Variants in MSRA observed in about 807,000 individuals in gnomAD.
The protein encoded by MSRA is mitochondrial peptide methionine sulfoxide reductase.
Under a neutral mutation model 31.3 loss-of-function variants are expected in MSRA, and 54 were observed. The observed-to-expected ratio is 1.73, with a 90% CI of 1.39 to 2.17. The LOEUF (loss-of-function observed/expected upper bound fraction) is 2.17, where lower values mean the gene tolerates loss of function less well. Among genes scored for constraint, MSRA ranks in the 30% most tolerant of loss-of-function variants. The pLI, the probability that MSRA is intolerant of heterozygous loss-of-function variation, is 0.00. For synonymous variants in MSRA, 169 were observed against 116.5 expected, an observed-to-expected ratio of 1.45 and a Z score of -2.90; for missense variants, 507 against 300.9, an observed-to-expected ratio of 1.69 and a Z score of -5.07.
At chr8:10,414,121 C>T (rs1164202580) in intron 5 of MSRA, among the ~76,000 whole-genome samples, 5 of 151,974 alleles carry the variant, frequency 3.3e-5, no homozygotes, top group African/African-American at 1.2e-4. Context: ...GAGCCGTGAT[C>T]GTGCCACTGC....
chr8:10,199,568 A>G (rs916926562), intron 1 of MSRA, among the ~76,000 whole-genome samples: 1 of 150,600 alleles, frequency 6.6e-6, no homozygotes, highest in Non-Finnish European at 1.5e-5. Context: ...TCTGCCCGCC[A>G]GTTTTTTTTT....
At chr8:10,375,062 G>C (rs970420289) in intron 5 of MSRA, among the ~76,000 whole-genome samples, 1 of 152,328 alleles carries the variant, frequency 6.6e-6, no homozygotes, top group East Asian at 1.9e-4. Context: ...TGCTATGCTT[G>C]TGCAGCCTGC....
chr8:10,425,449 A>G (rs932545255), intron 5 of MSRA, among the ~76,000 whole-genome samples: 5 of 152,158 alleles, frequency 3.3e-5, no homozygotes, highest in African/African-American at 1.2e-4. Flanking sequence ...AGGGAGGAGG[A>G]GGAGGGGAGG....
intron 1 of MSRA, among the ~76,000 whole-genome samples, chr8:10,084,629 GT>G (rs1281557327): frequency 6.6e-6 from 1 of 152,188 alleles, no homozygotes; most frequent in Non-Finnish European, 1.5e-5. Context: ...CTGTGCCTTA[GT>G]TTCCTAGGGT....
intron 1 of MSRA, among the ~76,000 whole-genome samples, chr8:10,207,396 C>T (rs1170271499): frequency 6.6e-6 from 1 of 152,188 alleles, no homozygotes; most frequent in East Asian, 1.9e-4. Flanking sequence ...GGAACCTTGC[C>T]CTTTTTACTT....
At chr8:10,367,098 G>A (rs953772144) in intron 5 of MSRA, among the ~76,000 whole-genome samples, 2 of 152,160 alleles carry the variant, frequency 1.3e-5, no homozygotes, top group African/African-American at 2.4e-5. Flanking sequence ...TGAGCAGCTT[G>A]ATGAAATCAC....
At chr8:10,405,298 C>A (rs1807734699) in intron 5 of MSRA, among the ~76,000 whole-genome samples, 1 of 152,086 alleles carries the variant, frequency 6.6e-6, no homozygotes, top group Non-Finnish European at 1.5e-5. Flanking sequence ...GCTCGGCCAC[C>A]CATCGCCCTG....
chr8:10,094,285 G>A (rs570136076), intron 1 of MSRA, among the ~76,000 whole-genome samples: 51 of 152,222 alleles, frequency 3.4e-4, no homozygotes, highest in South Asian at 6.2e-4. Context: ...TATGTGATCC[G>A]TTCCCATAAC....
chr8:10,187,681 C>T (rs1394918661), intron 1 of MSRA, among the ~76,000 whole-genome samples: 3 of 152,146 alleles, frequency 2.0e-5, no homozygotes, highest in Non-Finnish European at 4.4e-5. Flanking sequence ...TAAGCGTTAC[C>T]GGCAGGCAAT....
chr8:10,207,929 CAAA>C (rs1809143754), intron 2 of MSRA, 28 bp downstream of exon 2: 2 of 1,585,460 alleles, frequency 1.3e-6, no homozygotes, highest in African/African-American at 2.7e-5. Context: ...AAAGAAAACC[CAAA>C]TTGTGTGCAA....
intron 5 of MSRA, among the ~76,000 whole-genome samples, chr8:10,331,664 C>T (rs1004221399): frequency 1.3e-5 from 2 of 152,162 alleles, no homozygotes; most frequent in Admixed American, 6.5e-5. Flanking sequence ...AGTCATCCTT[C>T]GGTATCCAAT....
In MSRA at chr8:10,295,039, T is replaced by G. The variant is rs527723268; in HGVS notation, c.332-6495T>G. Among the ~76,000 whole-genome samples the G allele has an allele frequency of 5.3e-5, 8 of 152,252 alleles. No individual in the cohort carries two copies. The South Asian group carries it at 8.3e-4, about 16-fold the overall frequency. On this transcript the variant is annotated intron_variant, in intron 3 of 5. Coordinates refer to ENST00000317173, the MANE Select transcript of MSRA (RefSeq NM_012331.5). ...CCAGCTTGGCGATAGATGAGTTTAT[T>G]AGGACTTACATAGCAGGCACTCCTG...
intron 4 of MSRA, among the ~76,000 whole-genome samples, chr8:10,311,570 T>TC (rs1801435182): frequency 6.6e-6 from 1 of 152,156 alleles, no homozygotes; most frequent in African/African-American, 2.4e-5. Context: ...GCTTTTTTTT[T>TC]CTCTTACCAT....
intron 5 of MSRA, among the ~76,000 whole-genome samples, chr8:10,421,237 C>T (rs779814561): frequency 2.8e-4 from 43 of 152,242 alleles, no homozygotes; most frequent in South Asian, 2.1e-4. Flanking sequence ...GGCTGCTGAC[C>T]GGTGGCTGTG....
intron 1 of MSRA, among the ~76,000 whole-genome samples, chr8:10,205,656 T>C (rs1329673210): frequency 6.6e-6 from 1 of 152,190 alleles, no homozygotes; most frequent in Non-Finnish European, 1.5e-5. Context: ...TTCAAACATT[T>C]TCACCCTAGA....
At chr8:10,080,735 C>T (rs550951437) in intron 1 of MSRA, among the ~76,000 whole-genome samples, 34 of 149,148 alleles carry the variant, frequency 2.3e-4, no homozygotes, top group Admixed American at 1.6e-3. Flanking sequence ...GATGAGGTCT[C>T]GCTATGTTGC....
intron 1 of MSRA, among the ~76,000 whole-genome samples, chr8:10,204,535 C>A (rs1808776477): frequency 6.6e-6 from 1 of 152,172 alleles, no homozygotes; most frequent in Non-Finnish European, 1.5e-5. Context: ...AGTATAGTCA[C>A]ATGCTGTACA....
chr8:10,250,975 A>G (rs1382029756), intron 3 of MSRA: 1 of 152,780 alleles, frequency 6.5e-6, no homozygotes, highest in African/African-American at 2.4e-5. Flanking sequence ...CTCGTTAAAG[A>G]TGAACATGAT....
chr8:10,290,031 A>T (rs552327320), intron 3 of MSRA, among the ~76,000 whole-genome samples: 2 of 152,226 alleles, frequency 1.3e-5, no homozygotes, highest in Admixed American at 1.3e-4. Flanking sequence ...AGATATTAGT[A>T]TGCCCATTTT....
Sources: allele counts gnomAD v4.1 joint callset (sites outside exome capture counted in the v4.1 genomes callset), GRCh38; gene constraint gnomAD v4.1.1; transcripts MANE v1.5; gene names NCBI Gene and HGNC (gene_info 2026-07-23, HGNC 2026-07-21).